RGS5: variants seen among roughly 807,000 people sequenced by gnomAD.
RGS5 encodes the protein regulator of G protein signaling 5.
RGS5 carries 20 observed loss-of-function variants against 18.9 expected under a neutral mutation model. The observed-to-expected ratio is 1.06, with a 90% CI of 0.74 to 1.54. The LOEUF (loss-of-function observed/expected upper bound fraction) is 1.54, where lower values mean the gene tolerates loss of function less well. RGS5 is among the 40% of genes most tolerant of loss of function. The pLI is 0.00. For synonymous variants in RGS5, 57 were observed against 76.2 expected (o/e 0.75, Z 1.31); for missense variants, 201 against 211.8 (o/e 0.95, Z 0.32).
chr1:163,254,633 C>A (rs1648218990), intron 2 of RGS5, among the ~76,000 whole-genome samples: 1 of 152,192 alleles, frequency 6.6e-6, no homozygotes, highest in Non-Finnish European at 1.5e-5. Flanking sequence ...TTTTGCTGTG[C>A]AGAAGAACTT....
intron 2 of RGS5, among the ~76,000 whole-genome samples, chr1:163,262,163 T>A (rs1648459311): frequency 6.8e-6 from 1 of 147,116 alleles, no homozygotes; most frequent in South Asian, 2.2e-4. Flanking sequence ...TTTTTTTTTT[T>A]TTTTTTATTA....
At chr1:163,204,725 T>C (rs1363788587), upstream of RGS5, among the ~76,000 whole-genome samples, 1 of 152,180 alleles carries the variant, frequency 6.6e-6, no homozygotes, top group African/African-American at 2.4e-5. Context: ...CAATTAATTA[T>C]CATTTTTGAG....
chr1:163,209,199 C>T (rs1660041006), intron 1 of RGS5, among the ~76,000 whole-genome samples: 1 of 152,124 alleles, frequency 6.6e-6, no homozygotes. Flanking sequence ...AGAAGAAATA[C>T]AAATTGAAAT....
chr1:163,205,340 C>A (rs1430244582), upstream of RGS5, among the ~76,000 whole-genome samples: 12 of 86,762 alleles, frequency 1.4e-4, no homozygotes, highest in East Asian at 3.1e-4. Context: ...GTTTTTTAAC[C>A]ACAGTAAAAA....
chr1:163,166,032 A>G (rs894739539), intron 2 of RGS5, among the ~76,000 whole-genome samples: 1 of 152,192 alleles, frequency 6.6e-6, no homozygotes, highest in Non-Finnish European at 1.5e-5. Flanking sequence ...GTTAAGAAGG[A>G]GATACAGAAA....
Position 163,261,751 on chromosome 1 carries a change from C to T in RGS5, c.-281+44482G>A, listed in dbSNP as rs73015613. Among the ~76,000 whole-genome samples, 1,208 of 152,226 alleles carry T rather than the reference C, an allele frequency of 7.9e-3. 13 individuals are homozygous for T. Among genetic ancestry groups the T allele is most frequent in the African/African-American group, 0.027 (1,132 of 41,530 alleles). On this transcript the variant is annotated intron_variant, in intron 2 of 5. Transcript: ENST00000618415. ...TTTTGTCCTTTCCTAGAATGACAAACACAGATAACTGTTGGCTTATATAGA... is the reference window on the plus strand; with the variant it reads ...TTTTGTCCTTTCCTAGAATGACAAATACAGATAACTGTTGGCTTATATAGA...
Position 163,195,266 on chromosome 1 carries a change from C to G in RGS5, c.44+7526G>C, listed in dbSNP as rs369341651. Among the ~76,000 whole-genome samples, 26 of 152,258 alleles carry G rather than the reference C, an allele frequency of 1.7e-4. No homozygotes were observed. The East Asian group carries it at 4.2e-3, about 25-fold the overall frequency. ...GTTGTATATAAGAATGGAATAATGT[C>G]GTTTGCAGCAACTTGGATGGAGCTG... is the stretch of plus-strand genomic sequence containing the variant. On this transcript the variant is annotated intron_variant, in intron 1 of 4. Coordinates refer to ENST00000313961, the MANE Select transcript of RGS5 (RefSeq NM_003617.4).
At chr1:163,187,957 G>A (rs1423921118) in intron 1 of RGS5, among the ~76,000 whole-genome samples, 1 of 151,990 alleles carries the variant, frequency 6.6e-6, no homozygotes, top group African/African-American at 2.4e-5. Flanking sequence ...AGATAGTGCC[G>A]GAATTGAACT....
rs555643455 is a variant in RGS5 at position 163,217,112 on chromosome 1, T to TA, written c.69+413dup. Reference sequence around the variant, plus strand: ...GAGGAGGGTGGAAGAAGAGAGAGAATAAAAAAAATAACTATTGAGTACTAG... The same window carrying TA: ...GAGGAGGGTGGAAGAAGAGAGAGAATAAAAAAAAATAACTATTGAGTACTAG... On this transcript the variant is annotated intron_variant, in intron 1 of 5. Coordinates refer to the RGS5 transcript ENST00000367903. Among the ~76,000 whole-genome samples, 20 of 151,774 alleles carry TA rather than the reference T, an allele frequency of 1.3e-4. 1 individual carries two copies. In the South Asian group the frequency reaches 3.1e-3, roughly 24 times the overall value.
intron 4 of RGS5, among the ~76,000 whole-genome samples, chr1:163,151,347 C>CA (rs951737747): frequency 1.3e-5 from 2 of 150,538 alleles, no homozygotes; most frequent in Admixed American, 6.6e-5. Flanking sequence ...GTAGAAAGGA[C>CA]AAAAAAAGAG....
chr1:163,171,854 G>A (rs1335177522), intron 1 of RGS5, among the ~76,000 whole-genome samples: 1 of 152,160 alleles, frequency 6.6e-6, no homozygotes, highest in Non-Finnish European at 1.5e-5. Context: ...GCCCGGAGAG[G>A]TCTTAGATGT....
At chr1:163,211,406 G>A (rs991336827) in intron 1 of RGS5, 1 of 152,134 alleles carries the variant, frequency 6.6e-6, no homozygotes, top group Admixed American at 6.6e-5. Flanking sequence ...CTAAGAAAAC[G>A]TATTAAGGGA....
At chr1:163,255,009 C>G (rs866632278) in intron 2 of RGS5, among the ~76,000 whole-genome samples, 1 of 152,178 alleles carries the variant, frequency 6.6e-6, no homozygotes, top group Admixed American at 6.5e-5. Context: ...TGATCTATAT[C>G]TCTGTTTTGG....
chr1:163,257,033 T>C (rs982059813), intron 2 of RGS5, among the ~76,000 whole-genome samples: 2 of 152,194 alleles, frequency 1.3e-5, no homozygotes, highest in Non-Finnish European at 2.9e-5. Context: ...TCAGCACATA[T>C]ATTTTTTGAG....
intron 2 of RGS5, among the ~76,000 whole-genome samples, chr1:163,273,912 TG>T: frequency 6.6e-6 from 1 of 152,304 alleles, no homozygotes; most frequent in South Asian, 2.1e-4. Context: ...ATAATGTCTT[TG>T]GGTTTTTTCT....
chr1:163,185,611 A>G (rs780044476), intron 1 of RGS5, among the ~76,000 whole-genome samples: 2 of 152,174 alleles, frequency 1.3e-5, no homozygotes, highest in Non-Finnish European at 2.9e-5. Flanking sequence ...TGGGAGTCCC[A>G]TTCTTACACC....
chr1:163,180,303 C>A (rs1658757084), intron 1 of RGS5, among the ~76,000 whole-genome samples: 1 of 152,106 alleles, frequency 6.6e-6, no homozygotes, highest in Admixed American at 6.6e-5. Context: ...TGTGTCCTTG[C>A]TTCTTCATAC....
intron 2 of RGS5, among the ~76,000 whole-genome samples, chr1:163,294,534 G>A (rs1162013576): frequency 1.3e-5 from 2 of 152,200 alleles, no homozygotes; most frequent in Non-Finnish European, 2.9e-5. Flanking sequence ...TTCTCTCTTA[G>A]ACTTCTGGGT....
At chr1:163,179,408 G>C (rs1179634987) in intron 1 of RGS5, among the ~76,000 whole-genome samples, 2 of 152,136 alleles carry the variant, frequency 1.3e-5, no homozygotes, top group African/African-American at 4.8e-5. Flanking sequence ...ATGTACTATG[G>C]TACTCCATAA....
Sources: allele counts gnomAD v4.1 joint callset (sites outside exome capture counted in the v4.1 genomes callset), GRCh38; gene constraint gnomAD v4.1.1; transcripts MANE v1.5; gene names NCBI Gene and HGNC (gene_info 2026-07-23, HGNC 2026-07-21).